Variants in SNRPA observed in about 807,000 individuals in gnomAD.
SNRPA encodes the protein U1 small nuclear ribonucleoprotein A.
Under a neutral mutation model 24.5 loss-of-function variants are expected in SNRPA, and 10 were observed. The ratio of observed to expected loss-of-function variants is 0.41; its 90% CI spans 0.25 to 0.69. SNRPA has a LOEUF of 0.69. Ranked by LOEUF, SNRPA falls within the 30% of genes least tolerant of loss-of-function variation. The probability of loss-of-function intolerance (pLI) is 0.33; values close to 1 mark genes in which losing one functional copy is unlikely to be tolerated. For missense variants in SNRPA, 283 were observed against 394.7 expected (o/e 0.72, Z 2.40); for synonymous variants, 165 against 148.4 (o/e 1.11, Z -0.81).
chr19:40,759,739 G>A lies in SNRPA; in HGVS notation c.426+129G>A, dbSNP rs2082923850. On this transcript the variant is annotated intron_variant, in intron 3 of 5. Transcript: ENST00000243563. Reference sequence around the variant, plus strand: ...GACCCCTCCTTTCCATTTCTTTATAGAGATGTGTTTCTCTCTCTCTTTTGG... The same window carrying A: ...GACCCCTCCTTTCCATTTCTTTATAAAGATGTGTTTCTCTCTCTCTTTTGG... 1.1e-4 allele frequency: 87 copies of A among 797,392 alleles called. 2 individuals are homozygous for A. In the South Asian group the frequency reaches 1.8e-3, roughly 16 times the overall value. 49.4% of individuals were successfully genotyped at this position (797,392 alleles called of 1,614,324 possible).
At chr19:40,755,080 T>C (rs1163626205) in intron 1 of SNRPA, among the ~76,000 whole-genome samples, 1 of 151,832 alleles carries the variant, frequency 6.6e-6, no homozygotes, top group African/African-American at 2.4e-5. Flanking sequence ...CTGCTTCAGC[T>C]TAGCTTTTTT....
At chr19:40,763,787 G>A (rs1568486218) in intron 5 of SNRPA, 112 bp downstream of exon 5, 3 of 896,236 alleles carry the variant, frequency 3.3e-6, no homozygotes, top group Non-Finnish European at 5.6e-6. Context: ...GTAGGGCTTT[G>A]CAGAAGGGAC....
At chr19:40,759,875 G>A (rs1411965298) in intron 3 of SNRPA, among the ~76,000 whole-genome samples, 1 of 152,046 alleles carries the variant, frequency 6.6e-6, no homozygotes, top group Non-Finnish European at 1.5e-5. Flanking sequence ...CGCTCTCTCC[G>A]TGGCCTTGAT....
chr19:40,755,257 C>CTTTTTTTTTTTTTTTTT (rs1004235207), intron 1 of SNRPA, among the ~76,000 whole-genome samples: 62 of 82,560 alleles, frequency 7.5e-4, no homozygotes, highest in Non-Finnish European at 1.1e-3. Flanking sequence ...TTTTTCTTTT[C>CTTTTTTTTTTTTTTTTT]TTTTTTTTTT....
intron 1 of SNRPA, among the ~76,000 whole-genome samples, chr19:40,752,100 GGCCGAGGCGGGCGGATC>G (rs1416757116): frequency 6.6e-6 from 1 of 152,160 alleles, no homozygotes; most frequent in East Asian, 1.9e-4. Flanking sequence ...CACTTTGGGA[GGCCGAGGCGGGCGGATC>G]ACCTGAGGTC....
At chr19:40,761,072 T>G (rs2082929331) in intron 3 of SNRPA, among the ~76,000 whole-genome samples, 1 of 151,028 alleles carries the variant, frequency 6.6e-6, no homozygotes, top group Non-Finnish European at 1.5e-5. Flanking sequence ...AGTGATCTTC[T>G]GCCTCAGCCT....
intron 5 of SNRPA, among the ~76,000 whole-genome samples, 186 bp downstream of exon 5, chr19:40,763,861 G>A (rs2249835): frequency 0.77 from 116,979 of 152,076 alleles, 45,328 homozygotes; most frequent in African/African-American, 0.84. Flanking sequence ...GGACATGGGG[G>A]TGAGGCTGGA....
At chr19:40,756,125 C>T (rs937997754) in intron 1 of SNRPA, among the ~76,000 whole-genome samples, 4 of 151,924 alleles carry the variant, frequency 2.6e-5, no homozygotes, top group African/African-American at 9.7e-5. Context: ...AAAAATTAGC[C>T]GTGCGTCGTG....
At position 40,763,539 on chromosome 19, in the gene SNRPA, A is replaced by G. The variant is rs757708055; in HGVS notation, c.601-48A>G. The stretch of plus-strand genomic sequence containing the variant: ...GAAGTGGCAGTACTATGGGTCTCCC[A>G]CTGGACTCAGGGCTCTTGTGCTCAC... On this transcript the variant is annotated intron_variant, in intron 4 of 5. Coordinates refer to ENST00000243563, the MANE Select transcript of SNRPA (RefSeq NM_004596.5). 3.4e-6 allele frequency: 5 copies of G among 1,466,402 alleles called. No homozygotes were observed. In the African/African-American group the frequency reaches 4.2e-5, roughly 12 times the overall value. 90.8% of individuals were successfully genotyped at this position (1,466,402 alleles called of 1,614,324 possible). A position where few individuals can be genotyped will look rare whatever the true frequency, so the allele number is the denominator to read the frequency against.
chr19:40,751,507 C>G, intron 1 of SNRPA, 26 bp downstream of exon 1: 1 of 1,536,382 alleles, frequency 6.5e-7, no homozygotes, highest in South Asian at 1.1e-5. Flanking sequence ...AGTCCGGAGT[C>G]CAGACTGTCC....
At chr19:40,757,618 C>A (rs1006494219) in intron 2 of SNRPA, 114 bp downstream of exon 2, 3 of 981,894 alleles carry the variant, frequency 3.1e-6, no homozygotes, top group Admixed American at 5.3e-5. Context: ...GAGGCTGGAC[C>A]AGGCTCCCAC....
In SNRPA at chr19:40,763,604, G is replaced by A. The variant is rs1481069107; in HGVS notation, c.618G>A (p.Pro206=). The part of the protein sequence containing the change: ...PPAQPLSENP[P]NHILFLTNLP... ...CCCCGCAGCTTTCTGAGAATCCACCGAATCACATCTTGTTCCTCACCAACC... is the reference window on the plus strand; with the variant it reads ...CCCCGCAGCTTTCTGAGAATCCACCAAATCACATCTTGTTCCTCACCAACC... The change falls in exon 5 of 6, where the codon CCG becomes CCA. Residue 206 remains proline, a synonymous_variant. Coordinates refer to ENST00000243563, the MANE Select transcript of SNRPA (RefSeq NM_004596.5). 14 of 1,613,946 alleles carry A rather than the reference G, an allele frequency of 8.7e-6. No homozygotes were observed. The highest frequency in any genetic ancestry group is 5.3e-5 in the African/African-American group (4 of 74,904).
At position 40,764,999 on chromosome 19, in the gene SNRPA, C is replaced by G. The variant is rs1271692297; in HGVS notation, c.690-9C>G. ...TGCTGAGTCCCTGAGGTCTGTCGTT[C>G]TCTTTCAGGTTCCCTGGCTTCAAGG... On this transcript the variant is annotated splice_polypyrimidine_tract_variant and intron_variant, in intron 5 of 5. Coordinates refer to ENST00000243563, the MANE Select transcript of SNRPA (RefSeq NM_004596.5). 5.2e-6 allele frequency: 8 copies of G among 1,551,258 alleles called. No homozygotes were observed. Among genetic ancestry groups the G allele is most frequent in the Non-Finnish European group, 6.9e-6 (8 of 1,151,460 alleles).
At chr19:40,759,732 C>A (rs776414951) in intron 3 of SNRPA, 122 bp downstream of exon 3, 18 of 838,042 alleles carry the variant, frequency 2.1e-5, no homozygotes, top group African/African-American at 1.0e-4. Context: ...CTTTCCATTT[C>A]TTTATAGAGA....
intron 1 of SNRPA, among the ~76,000 whole-genome samples, chr19:40,751,882 G>C (rs2082871205): frequency 6.6e-6 from 1 of 152,152 alleles, no homozygotes; most frequent in Admixed American, 6.6e-5. Context: ...CTTGGTCACC[G>C]GCTTTTTCAG....
In SNRPA at chr19:40,759,512, A is replaced by G; in HGVS notation, c.328A>G (p.Lys110Glu). The G allele has an allele frequency of 6.2e-7, 1 of 1,613,626 alleles. No homozygotes were observed. The highest frequency in any genetic ancestry group is 8.5e-7 in the Non-Finnish European group (1 of 1,179,888). The part of the protein sequence containing the change: ...TFVERDRKRE[K>E]RKPKSQETPA... ...CGTGGAGCGGGACCGCAAGCGGGAG[A>G]AGAGGAAGCCCAAGAGCCAGGAGAC... is the stretch of plus-strand genomic sequence containing the variant. Residue 110 changes from lysine (K) to glutamate (E), a missense_variant, in exon 3 of 6, where the codon AAG (lysine) becomes GAG (glutamate). By Grantham distance (56) the Lys-to-Glu change is moderately conservative. Transcript: ENST00000243563.
chr19:40,751,589 A>C, intron 1 of SNRPA, 108 bp downstream of exon 1: 1 of 840,302 alleles, frequency 1.2e-6, no homozygotes, highest in Non-Finnish European at 2.1e-6. Flanking sequence ...CCAAACTTCG[A>C]GTTAACTCCT....
intron 3 of SNRPA, among the ~76,000 whole-genome samples, chr19:40,761,592 G>A (rs1182752162): frequency 1.4e-5 from 2 of 146,894 alleles, no homozygotes; most frequent in Non-Finnish European, 3.0e-5. Context: ...CCTGCCTCCC[G>A]AGGATCTGGG....
rs114288396 is a variant in SNRPA, at chr19:40,754,624, G to T, written c.74-2708G>T. Among the ~76,000 whole-genome samples the T allele has an allele frequency of 1.9e-3, 291 of 152,314 alleles. 1 individual carries two copies. Among genetic ancestry groups the T allele is most frequent in the African/African-American group, 6.7e-3 (277 of 41,582 alleles). On this transcript the variant is annotated intron_variant, in intron 1 of 5. Transcript: ENST00000243563. ...TTCTTAACTTGGTCCAGCTTGTTCA[G>T]ATGTTTAGGGTCAAAAGAGCCTGGC...
Sources: allele counts gnomAD v4.1 joint callset (sites outside exome capture counted in the v4.1 genomes callset), GRCh38; gene constraint gnomAD v4.1.1; transcripts MANE v1.5; gene names NCBI Gene and HGNC (gene_info 2026-07-23, HGNC 2026-07-21).